The following DPP6 variants were observed in gnomAD, a reference collection of about 807,000 sequenced individuals.
DPP6 encodes the protein A-type potassium channel modulatory protein DPP6.
A neutral mutation model predicts 122.6 loss-of-function variants in DPP6; 69 were observed. The observed-to-expected ratio is 0.56, with a 90% CI of 0.46 to 0.69. DPP6 has a LOEUF of 0.69. Ranked by LOEUF, DPP6 falls within the 30% of genes least tolerant of loss-of-function variation. The probability of loss-of-function intolerance (pLI) is 0.00; values close to 1 mark genes in which losing one functional copy is unlikely to be tolerated. For synonymous variants in DPP6, 418 were observed against 433.1 expected, an observed-to-expected ratio of 0.97 and a Z score of 0.43; for missense variants, 928 against 1,116.9, an observed-to-expected ratio of 0.83 and a Z score of 2.41.
At chr7:153,975,428 A>G (rs1488517740) in intron 1 of DPP6, among the ~76,000 whole-genome samples, 1 of 150,226 alleles carries the variant, frequency 6.7e-6, no homozygotes, top group Admixed American at 6.7e-5. Context: ...GTTATGTTTC[A>G]GGAAAGTGGG....
At chr7:154,004,391 G>C (rs549175374) in intron 1 of DPP6, among the ~76,000 whole-genome samples, 2 of 152,116 alleles carry the variant, frequency 1.3e-5, no homozygotes, top group Non-Finnish European at 2.9e-5. Context: ...GTAAACTCCA[G>C]ATTAATTGAG....
intron 1 of DPP6, among the ~76,000 whole-genome samples, chr7:154,041,335 C>G (rs971614915): frequency 6.6e-6 from 1 of 152,110 alleles, no homozygotes; most frequent in African/African-American, 2.4e-5. Context: ...GGTGGGAAGG[C>G]TTGATGATTT....
chr7:153,995,077 A>G (rs117420431), intron 1 of DPP6, among the ~76,000 whole-genome samples: 98 of 152,352 alleles, frequency 6.4e-4, no homozygotes, highest in Middle Eastern at 6.8e-3. Context: ...AGAAAACAAG[A>G]AATCTCAGAA....
At chr7:154,008,197 G>A (rs1797994084) in intron 1 of DPP6, among the ~76,000 whole-genome samples, 1 of 152,122 alleles carries the variant, frequency 6.6e-6, no homozygotes, top group African/African-American at 2.4e-5. Context: ...CAGATTCAGA[G>A]AATTTAAGTG....
At chr7:153,867,299 A>G in the DPP6 span, among the ~76,000 whole-genome samples, 1 of 152,130 alleles carries the variant, frequency 6.6e-6, no homozygotes, top group Non-Finnish European at 1.5e-5. Context: ...ATGTTCTTCC[A>G]TTTGTTCATA....
At chr7:153,891,483 G>A (rs1341200125) in intron 1 of DPP6, among the ~76,000 whole-genome samples, 1 of 151,972 alleles carries the variant, frequency 6.6e-6, no homozygotes, top group Non-Finnish European at 1.5e-5. Flanking sequence ...TTTAAAAATA[G>A]CTGTTATTTT....
intron 6 of DPP6, among the ~76,000 whole-genome samples, chr7:154,659,385 G>T (rs1208907403): frequency 1.3e-5 from 2 of 152,038 alleles, no homozygotes; most frequent in African/African-American, 4.8e-5. Context: ...TAAGTGAAGG[G>T]TTAAGGGAAC....
At chr7:154,744,932 C>G (rs1172419207) in intron 8 of DPP6, among the ~76,000 whole-genome samples, 2 of 152,184 alleles carry the variant, frequency 1.3e-5, no homozygotes, top group Non-Finnish European at 2.9e-5. Flanking sequence ...TTAGGATGAT[C>G]CGAAACGCGA....
intron 1 of DPP6, among the ~76,000 whole-genome samples, chr7:154,084,994 A>AG (rs1309594095): frequency 6.6e-6 from 1 of 151,316 alleles, no homozygotes; most frequent in African/African-American, 2.4e-5. Context: ...CGTCTCAAAA[A>AG]AAAAAAAAAA....
rs117229677 is a variant in DPP6 at position 154,565,602 on chromosome 7, C to T, written c.553-1240C>T. Among the ~76,000 whole-genome samples the T allele has an allele frequency of 1.5e-3, 229 of 152,100 alleles. 4 individuals are homozygous for T. In the East Asian group the frequency reaches 0.034, roughly 23 times the overall value. On this transcript the variant is annotated intron_variant, in intron 4 of 25. Transcript: ENST00000377770. ...GTGCAATGGCGCGATCTCGGTCCGC[C>T]ACAACCTCTGCCGTCCAGGTTCAAG...
intron 1 of DPP6, among the ~76,000 whole-genome samples, chr7:154,122,243 T>G (rs1807528027): frequency 6.6e-6 from 1 of 152,160 alleles, no homozygotes; most frequent in Non-Finnish European, 1.5e-5. Context: ...TCATCCCCTG[T>G]GCATTTGCAT....
intron 3 of DPP6, among the ~76,000 whole-genome samples, chr7:154,503,826 A>G (rs1825447651): frequency 6.6e-6 from 1 of 152,214 alleles, no homozygotes; most frequent in Admixed American, 6.5e-5. Context: ...CTTCTGCATC[A>G]GGAGGACTAG....
intron 1 of DPP6, among the ~76,000 whole-genome samples, chr7:154,036,019 CTT>C (rs68184665): frequency 0.27 from 39,572 of 148,298 alleles, 5,533 homozygotes; most frequent in Non-Finnish European, 0.28. Flanking sequence ...CGCGCGCGCG[CTT>C]GTGTGTGTGT....
intron 1 of DPP6, among the ~76,000 whole-genome samples, chr7:154,113,466 A>T (rs1197725736): frequency 6.6e-6 from 1 of 152,202 alleles, no homozygotes; most frequent in Non-Finnish European, 1.5e-5. Context: ...ACATATAGAT[A>T]TATAATAGCA....
chr7:154,484,773 A>G (rs916323849), intron 3 of DPP6, among the ~76,000 whole-genome samples: 1 of 152,240 alleles, frequency 6.6e-6, no homozygotes. Context: ...AGGATGCGGT[A>G]CTAGAGAGAC....
chr7:154,063,286 A>G (rs1585290645), intron 1 of DPP6, among the ~76,000 whole-genome samples: 1 of 110,628 alleles, frequency 9.0e-6, no homozygotes, highest in East Asian at 2.9e-4. Flanking sequence ...CAGAGGGGGG[A>G]GGGACCCCCC....
chr7:153,804,981 A>T, the DPP6 span, among the ~76,000 whole-genome samples: 4 of 152,252 alleles, frequency 2.6e-5, no homozygotes, highest in African/African-American at 9.6e-5. Context: ...TCTTGACTCT[A>T]TTGGTGTTGA....
rs536748299 is a variant in DPP6 at position 154,065,032 on chromosome 7, C to T, written c.243+11969C>T. On this transcript the variant is annotated intron_variant, in intron 1 of 25. Transcript: ENST00000377770. ...TTCAGGTCCCATTCTAATGCTGTCA[C>T]CTCCAAAGCAGCAACCTCATCTACC... Among the ~76,000 whole-genome samples the T allele has an allele frequency of 5.4e-3, 828 of 152,192 alleles. 11 individuals carry two copies. Among genetic ancestry groups the T allele is most frequent in the African/African-American group, 0.019 (793 of 41,530 alleles).
chr7:153,908,797 C>T (rs1169238698), intron 1 of DPP6, among the ~76,000 whole-genome samples: 1 of 152,076 alleles, frequency 6.6e-6, no homozygotes, highest in South Asian at 2.1e-4. Flanking sequence ...CTCTGTCGCC[C>T]AGGCTGGAGT....
Sources: gnomAD v4.1 joint callset for allele counts (sites outside exome capture counted in the v4.1 genomes callset) on GRCh38, gnomAD v4.1.1 for gene constraint, MANE v1.5 for transcripts, NCBI Gene and HGNC (gene_info 2026-07-23, HGNC 2026-07-21) for gene names.